Variants in TLCD4 observed in about 807,000 individuals in gnomAD.
The protein encoded by TLCD4 is TLC domain-containing protein 4.
TLCD4 carries 7 observed loss-of-function variants against 24.2 expected under a neutral mutation model. The observed-to-expected ratio is 0.29, with a 90% confidence interval of 0.16 to 0.54. The LOEUF (loss-of-function observed/expected upper bound fraction) is 0.54. Among genes scored for constraint, TLCD4 ranks in the 20% least tolerant of loss-of-function variants. TLCD4 has a pLI of 0.95. For synonymous variants in TLCD4, 103 were observed against 106.4 expected (o/e 0.97, Z 0.20); for missense variants, 259 against 313.9 (o/e 0.82, Z 1.32).
intron 1 of TLCD4, among the ~76,000 whole-genome samples, chr1:95,139,411 T>TTAA (rs1250404955): frequency 4.0e-5 from 6 of 151,590 alleles, no homozygotes; most frequent in Admixed American, 1.3e-4. Context: ...TAACCTTAGC[T>TTAA]TAGTTTCTTT....
chr1:95,095,984 A>C, the TLCD4 span, among the ~76,000 whole-genome samples: 1 of 152,254 alleles, frequency 6.6e-6, no homozygotes, highest in African/African-American at 2.4e-5. Context: ...AATTAAGTTT[A>C]GAGAGGAAGG....
chr1:95,186,657 G>C (rs954035691), intron 6 of TLCD4, among the ~76,000 whole-genome samples: 4 of 152,222 alleles, frequency 2.6e-5, no homozygotes, highest in African/African-American at 9.6e-5. Context: ...GGCTGAAGGA[G>C]AAGGGAAGTC....
intron 6 of TLCD4, among the ~76,000 whole-genome samples, chr1:95,188,389 G>GAAAAAAA (rs60956010): frequency 1.9e-5 from 2 of 104,544 alleles, no homozygotes; most frequent in Non-Finnish European, 3.6e-5. Context: ...CTCCGTCTCA[G>GAAAAAAA]AAAAAAAAAA....
At position 95,159,279 on chromosome 1, in the gene TLCD4, C is replaced by T. The variant is rs551663925; in HGVS notation, c.399+7860C>T. ...GCCAGTGATGATGAGCATTTTTTCA[C>T]GTGTCTGTTGGCTGCATAGATGTCT... On this transcript the variant is annotated intron_variant, in intron 5 of 6. Coordinates refer to ENST00000370203, the MANE Select transcript of TLCD4 (RefSeq NM_152487.3). 4.3e-3 allele frequency among the ~76,000 whole-genome samples: 662 copies of T among 152,206 alleles called. 6 individuals carry two copies. The highest frequency in any genetic ancestry group is 0.015 in the African/African-American group (611 of 41,536).
intron 6 of TLCD4, among the ~76,000 whole-genome samples, chr1:95,189,050 A>C (rs1237703303): frequency 6.6e-6 from 1 of 152,070 alleles, no homozygotes; most frequent in Non-Finnish European, 1.5e-5. Flanking sequence ...TCCAAATCTA[A>C]TCCAGTATCT....
At chr1:95,123,520 T>C (rs6702139) in intron 1 of TLCD4, among the ~76,000 whole-genome samples, 11,294 of 152,198 alleles carry the variant, frequency 0.074, 568 homozygotes, top group East Asian at 0.21. Flanking sequence ...TAAAACTAGC[T>C]CATTACAAAA....
At chr1:95,138,207 G>T (rs1431835587) in intron 1 of TLCD4, 4 of 152,182 alleles carry the variant, frequency 2.6e-5, no homozygotes, top group African/African-American at 2.4e-5. Context: ...TTACCACTTT[G>T]TGTGGTGAGG....
intron 5 of TLCD4, among the ~76,000 whole-genome samples, chr1:95,173,073 T>G (rs572522091): frequency 1.3e-5 from 2 of 152,340 alleles, no homozygotes; most frequent in East Asian, 3.9e-4. Flanking sequence ...GATCCTAAAT[T>G]TAGCTCCAGG....
chr1:95,156,765 T>C (rs1371782208), intron 5 of TLCD4, among the ~76,000 whole-genome samples: 1 of 152,014 alleles, frequency 6.6e-6, no homozygotes, highest in Non-Finnish European at 1.5e-5. Flanking sequence ...ACCAAAATGA[T>C]CCAGAGCACT....
At chr1:95,176,292 A>G (rs941315191) in intron 6 of TLCD4, among the ~76,000 whole-genome samples, 7 of 150,968 alleles carry the variant, frequency 4.6e-5, no homozygotes, top group Non-Finnish European at 8.8e-5. Flanking sequence ...CCTGGGTTCC[A>G]GTGATTCTTG....
intron 5 of TLCD4, among the ~76,000 whole-genome samples, chr1:95,162,194 G>T (rs1677833741): frequency 2.6e-5 from 4 of 152,166 alleles, no homozygotes; most frequent in African/African-American, 7.2e-5. Flanking sequence ...CCTGTATTGG[G>T]TGCATATATA....
intron 5 of TLCD4, among the ~76,000 whole-genome samples, chr1:95,172,860 A>C (rs1488564941): frequency 1.3e-5 from 2 of 152,156 alleles, no homozygotes; most frequent in African/African-American, 4.8e-5. Context: ...TTTCTTTGGC[A>C]TGTAATCATA....
chr1:95,114,045 A>T (rs563595261), upstream of TLCD4, among the ~76,000 whole-genome samples: 1 of 152,328 alleles, frequency 6.6e-6, no homozygotes, highest in Admixed American at 6.5e-5. Flanking sequence ...GTACTTTTAA[A>T]AAAACCTTTT....
At chr1:95,170,326 C>T (rs1678161367) in intron 5 of TLCD4, among the ~76,000 whole-genome samples, 1 of 134,786 alleles carries the variant, frequency 7.4e-6, no homozygotes, top group Admixed American at 8.7e-5. Flanking sequence ...TAATACAAAT[C>T]ATTCTTTTTT....
chr1:95,112,263 G>C, the TLCD4 span, among the ~76,000 whole-genome samples: 1 of 151,980 alleles, frequency 6.6e-6, no homozygotes, highest in Non-Finnish European at 1.5e-5. Flanking sequence ...TCAGACAATA[G>C]ATAAGAAAGA....
At chr1:95,165,468 T>TG (rs1491280290) in intron 5 of TLCD4, among the ~76,000 whole-genome samples, 106 of 69,484 alleles carry the variant, frequency 1.5e-3, no homozygotes, top group Non-Finnish European at 2.1e-3. Flanking sequence ...TGTGTGTGTG[T>TG]TTTTTTTTTT....
At position 95,192,073 on chromosome 1, in the gene TLCD4, G is replaced by A. The variant is rs903865303; in HGVS notation, c.*205G>A. 23 of 1,174,296 alleles carry A rather than the reference G, an allele frequency of 2.0e-5. No homozygotes were observed. The highest frequency in any genetic ancestry group is 3.1e-5 in the East Asian group (1 of 32,414). 72.7% of individuals were successfully genotyped at this position (1,174,296 alleles called of 1,614,324 possible). On this transcript the variant is annotated 3_prime_UTR_variant, in exon 7 of 7. Transcript: ENST00000370203. ...GCACTTTGGGAGGCCAAGGTGGGTC[G>A]ATCACTGAGGTCAGGAGTTCGAGAC...
intron 6 of TLCD4, among the ~76,000 whole-genome samples, chr1:95,187,022 A>G (rs909989054): frequency 2.0e-5 from 3 of 152,232 alleles, no homozygotes; most frequent in South Asian, 2.1e-4. Flanking sequence ...TGCCTTTGCA[A>G]TTTGATCTCT....
At chr1:95,151,475 G>A (rs911243901) in intron 5 of TLCD4, 56 bp downstream of exon 5, 3 of 1,568,602 alleles carry the variant, frequency 1.9e-6, no homozygotes, top group African/African-American at 2.7e-5. Context: ...GAATAGTGAT[G>A]TAAAGGTGAA....
Sources: allele counts gnomAD v4.1 joint callset (sites outside exome capture counted in the v4.1 genomes callset), GRCh38; gene constraint gnomAD v4.1.1; transcripts MANE v1.5; gene names NCBI Gene and HGNC (gene_info 2026-07-23, HGNC 2026-07-21).